PDZRN3: variants seen among roughly 807,000 people sequenced by gnomAD.
The protein encoded by PDZRN3 is PDZ domain containing ring finger 3.
A neutral mutation model predicts 85.7 loss-of-function variants in PDZRN3; 38 were observed. The observed-to-expected ratio is 0.44, with a 90% CI of 0.34 to 0.58. The LOEUF is 0.58. Among genes scored for constraint, PDZRN3 ranks in the 20% least tolerant of loss-of-function variants. The probability of loss-of-function intolerance (pLI) is 0.01; values close to 1 mark genes in which losing one functional copy is unlikely to be tolerated. For synonymous variants in PDZRN3, 759 were observed against 638.0 expected (o/e 1.19, Z -2.86); for missense variants, 1,629 against 1,506.4 (o/e 1.08, Z -1.35).
intron 3 of PDZRN3, among the ~76,000 whole-genome samples, chr3:73,415,234 A>C (rs1029053411): frequency 5.3e-5 from 8 of 151,870 alleles, no homozygotes; most frequent in Admixed American, 3.3e-4. Flanking sequence ...GTAGAGCACC[A>C]ATCCAAAGGG....
chr3:73,451,318 T>C (rs2106842514), intron 3 of PDZRN3, among the ~76,000 whole-genome samples: 1 of 152,316 alleles, frequency 6.6e-6, no homozygotes, highest in South Asian at 2.1e-4. Context: ...TCAATATTTG[T>C]GTTGTTGGGA....
chr3:73,389,905 G>A (rs192624093), intron 6 of PDZRN3, 27 bp from the exon 7 acceptor site: 27 of 1,571,200 alleles, frequency 1.7e-5, no homozygotes, highest in Admixed American at 1.7e-4. Flanking sequence ...CCATCTCAGC[G>A]CAAACGCAGA....
At chr3:73,477,027 T>C (rs1303522180) in intron 3 of PDZRN3, among the ~76,000 whole-genome samples, 1 of 152,210 alleles carries the variant, frequency 6.6e-6, no homozygotes, top group Non-Finnish European at 1.5e-5. Context: ...ATTGATACCA[T>C]ATATTTATTG....
intron 3 of PDZRN3, 34 bp downstream of exon 3, chr3:73,602,320 G>T: frequency 8.8e-7 from 1 of 1,133,588 alleles, no homozygotes; most frequent in Non-Finnish European, 1.3e-6. Context: ...ATGGCATTCA[G>T]CCTATTCAAA....
At chr3:73,455,713 A>G (rs1702963659) in intron 3 of PDZRN3, among the ~76,000 whole-genome samples, 1 of 152,238 alleles carries the variant, frequency 6.6e-6, no homozygotes. Context: ...ATAATAATAG[A>G]TCGTTTTTCT....
chr3:73,390,965 A>AG lies in PDZRN3; in HGVS notation c.1353+52_1353+53insC, dbSNP rs1701512504. ...TTAGGGTTGGTGAACATGAAAAAAA[A>AG]AACCCTTTTGGTCTTGATACGATAG... On this transcript the variant is annotated intron_variant, in intron 6 of 9. Transcript: ENST00000263666. 39 of 1,228,948 alleles carry AG rather than the reference A, an allele frequency of 3.2e-5. No individual in the cohort carries two copies. The South Asian group carries it at 4.6e-4, about 14-fold the overall frequency. 76.1% of individuals were successfully genotyped at this position (1,228,948 alleles called of 1,614,324 possible). A position where few individuals can be genotyped will look rare whatever the true frequency, so the allele number is the denominator to read the frequency against.
At chr3:73,559,667 G>A (rs548987335) in intron 3 of PDZRN3, among the ~76,000 whole-genome samples, 19 of 152,308 alleles carry the variant, frequency 1.2e-4, no homozygotes, top group South Asian at 4.1e-4. Context: ...ATGTAAGAAA[G>A]AGACGGTTTG....
chr3:73,600,341 T>A (rs867511321), intron 3 of PDZRN3, among the ~76,000 whole-genome samples: 119 of 119,998 alleles, frequency 9.9e-4, no homozygotes, highest in African/African-American at 2.6e-3. Flanking sequence ...ACACACACTC[T>A]CTCTCTCTCT....
At chr3:73,491,593 C>CTTTTTTTT (rs1429977645) in intron 3 of PDZRN3, among the ~76,000 whole-genome samples, 10 of 132,868 alleles carry the variant, frequency 7.5e-5, no homozygotes, top group East Asian at 4.4e-4. Context: ...TGGAAGGTTC[C>CTTTTTTTT]TTTTTTTTTT....
chr3:73,389,788 T>A, intron 7 of PDZRN3, 28 bp downstream of exon 7: 1 of 1,548,054 alleles, frequency 6.5e-7, no homozygotes, highest in African/African-American at 1.4e-5. Context: ...AGGCCCATCA[T>A]GAGGCCATTG....
intron 3 of PDZRN3, among the ~76,000 whole-genome samples, chr3:73,505,800 G>C (rs563593859): frequency 2.8e-4 from 43 of 152,112 alleles, no homozygotes; most frequent in African/African-American, 1.0e-3. Context: ...AAGTCAGTGT[G>C]AGGAAAAATA....
At chr3:73,505,390 T>C (rs996471863) in intron 3 of PDZRN3, among the ~76,000 whole-genome samples, 1 of 152,214 alleles carries the variant, frequency 6.6e-6, no homozygotes, top group Non-Finnish European at 1.5e-5. Flanking sequence ...ATTTTTGTTA[T>C]TGTTTTAGCA....
chr3:73,513,139 C>T (rs1481639360), intron 3 of PDZRN3, among the ~76,000 whole-genome samples: 1 of 152,152 alleles, frequency 6.6e-6, no homozygotes, highest in Admixed American at 6.5e-5. Flanking sequence ...CACGGACCTC[C>T]AAAGTCGAAA....
At chr3:73,465,476 G>A (rs1343935383) in intron 3 of PDZRN3, among the ~76,000 whole-genome samples, 1 of 152,138 alleles carries the variant, frequency 6.6e-6, no homozygotes, top group Non-Finnish European at 1.5e-5. Context: ...AACCCAAAAT[G>A]AACAAACAAA....
At chr3:73,454,420 A>G (rs11924577) in intron 3 of PDZRN3, among the ~76,000 whole-genome samples, 7,163 of 152,148 alleles carry the variant, frequency 0.047, 530 homozygotes, top group African/African-American at 0.16. Flanking sequence ...TGCAACATCA[A>G]TGTGTCTCCA....
chr3:73,493,436 C>T (rs1469353126), intron 3 of PDZRN3, among the ~76,000 whole-genome samples: 3 of 152,232 alleles, frequency 2.0e-5, no homozygotes. Flanking sequence ...CATTCCAAAC[C>T]TGGGTGACTG....
chr3:73,494,040 T>C (rs1703824379), intron 3 of PDZRN3, among the ~76,000 whole-genome samples: 1 of 152,226 alleles, frequency 6.6e-6, no homozygotes, highest in Non-Finnish European at 1.5e-5. Context: ...CTAGATATCC[T>C]TGTATTTTTC....
intron 8 of PDZRN3, among the ~76,000 whole-genome samples, chr3:73,386,739 T>A (rs1447647338): frequency 6.6e-6 from 1 of 152,244 alleles, no homozygotes; most frequent in African/African-American, 2.4e-5. Context: ...AAACATTTAC[T>A]ATCTGGCCCT....
At chr3:73,539,358 TG>T (rs371555287) in intron 3 of PDZRN3, among the ~76,000 whole-genome samples, 64 of 152,230 alleles carry the variant, frequency 4.2e-4, no homozygotes, top group African/African-American at 1.5e-3. Flanking sequence ...AAATTGAGGT[TG>T]TAGTGGGTTA....
Sources: gnomAD v4.1 joint callset for allele counts (sites outside exome capture counted in the v4.1 genomes callset) on GRCh38, gnomAD v4.1.1 for gene constraint, MANE v1.5 for transcripts, NCBI Gene and HGNC (gene_info 2026-07-23, HGNC 2026-07-21) for gene names.